Variants in TK2 observed in about 807,000 individuals in gnomAD.
The protein encoded by TK2 is thymidine kinase 2, mitochondrial.
Under a neutral mutation model 41.9 loss-of-function variants are expected in TK2, and 35 were observed. That is an observed-to-expected ratio of 0.84 (90% CI 0.64 to 1.11). TK2 has a LOEUF of 1.11. Ranked by LOEUF, TK2 falls within the 50% of genes least tolerant of loss-of-function variation. The pLI, the probability that TK2 is intolerant of heterozygous loss-of-function variation, is 0.00. For missense variants in TK2, 320 were observed against 351.1 expected (o/e 0.91, Z 0.71); for synonymous variants, 128 against 129.1 (o/e 0.99, Z 0.06).
At chr16:66,525,461 T>C (rs1964903779) in intron 6 of TK2, among the ~76,000 whole-genome samples, 1 of 152,264 alleles carries the variant, frequency 6.6e-6, no homozygotes, top group African/African-American at 2.4e-5. Context: ...TCTGGGTTGT[T>C]GGCAGGTGGC....
intron 2 of TK2, among the ~76,000 whole-genome samples, chr16:66,546,957 T>G (rs1597111958): frequency 6.6e-6 from 1 of 152,262 alleles, no homozygotes; most frequent in South Asian, 2.1e-4. Context: ...TTTGCCATGT[T>G]GCCCAGGCTG....
intron 2 of TK2, chr16:66,548,679 A>G (rs1965683201): frequency 2.6e-6 from 1 of 383,326 alleles, no homozygotes; most frequent in Admixed American, 4.1e-5. Context: ...CTTCCCCACA[A>G]CACAATGAGC....
intron 9 of TK2, among the ~76,000 whole-genome samples, chr16:66,512,897 G>C (rs1407100222): frequency 6.6e-6 from 1 of 152,102 alleles, no homozygotes; most frequent in Non-Finnish European, 1.5e-5. Flanking sequence ...CTATGGCCAC[G>C]CACAAAAGCT....
At chr16:66,550,270 C>T, upstream of TK2, 4 of 1,590,980 alleles carry the variant, frequency 2.5e-6, no homozygotes, top group Non-Finnish European at 3.4e-6. Flanking sequence ...AGGACGCTGG[C>T]AGAACGCACC....
rs112799560 is a variant in TK2, at chr16:66,544,226, C to T, written c.157-2273G>A. Among the ~76,000 whole-genome samples the T allele has an allele frequency of 5.1e-3, 770 of 152,222 alleles. 1 individual carries two copies. The highest frequency in any genetic ancestry group is 7.7e-3 in the Non-Finnish European group (525 of 68,006). On this transcript the variant is annotated intron_variant, in intron 2 of 9. Coordinates refer to ENST00000544898, the MANE Select transcript of TK2 (RefSeq NM_004614.5). ...AGCAGGCAACGCAGGAAGAATCTCA[C>T]AAAGTTCCCCTGAAATGGAAGGGGG...
chr16:66,511,188 C>G lies in TK2; in HGVS notation c.*780G>C, dbSNP rs1964439403. The stretch of plus-strand genomic sequence containing the variant: ...CTTAATCACCAAGGAGACTGAGCAC[C>G]CTTCAGGAGCCAGCATGTGAATCTC... On this transcript the variant is annotated 3_prime_UTR_variant, in exon 10 of 10. Coordinates refer to ENST00000544898, the MANE Select transcript of TK2 (RefSeq NM_004614.5). 1 of 152,844 alleles carries G rather than the reference C, an allele frequency of 6.5e-6. No homozygotes were observed. The highest frequency in any genetic ancestry group is 2.4e-5 in the African/African-American group (1 of 41,426). 9.5% of individuals were successfully genotyped at this position (152,844 alleles called of 1,614,324 possible).
intron 6 of TK2, 194 bp from the exon 7 acceptor site, chr16:66,518,071 G>A (rs965890121): frequency 1.6e-5 from 10 of 638,274 alleles, no homozygotes; most frequent in Admixed American, 8.6e-5. Context: ...GCCTGGGAGC[G>A]GCTTATGGCA....
At chr16:66,548,441 C>T (rs1240108664) in intron 2 of TK2, among the ~76,000 whole-genome samples, 1 of 152,210 alleles carries the variant, frequency 6.6e-6, no homozygotes, top group African/African-American at 2.4e-5. Context: ...CCAATATCCC[C>T]ATGGACACCA....
At position 66,511,927 on chromosome 16, in the gene TK2, A is replaced by T. The variant is rs765196357; in HGVS notation, c.*41T>A. 63 of 1,588,560 alleles carry T rather than the reference A, an allele frequency of 4.0e-5. No individual in the cohort carries two copies. The highest frequency in any genetic ancestry group is 5.0e-5 in the Non-Finnish European group (58 of 1,156,864). On this transcript the variant is annotated 3_prime_UTR_variant, in exon 10 of 10. Transcript: ENST00000544898. ...TGCTCCCAATAGCTAACTTGGCAGCAGCAGGCATTTTTCAGACATGAGCCA... is the reference window on the plus strand; with the variant it reads ...TGCTCCCAATAGCTAACTTGGCAGCTGCAGGCATTTTTCAGACATGAGCCA...
intron 2 of TK2, among the ~76,000 whole-genome samples, chr16:66,545,540 G>A (rs1424960740): frequency 6.6e-6 from 1 of 152,138 alleles, no homozygotes; most frequent in East Asian, 1.9e-4. Context: ...ATTATGCTAA[G>A]CAACCAGGAG....
chr16:66,509,537 T>C lies in TK2; in HGVS notation c.*2431A>G, dbSNP rs1277221039. 1 of 152,234 alleles carries C rather than the reference T, an allele frequency of 6.6e-6. No individual in the cohort carries two copies. The highest frequency in any genetic ancestry group is 2.1e-4 in the South Asian group (1 of 4,836). 9.4% of individuals were successfully genotyped at this position (152,234 alleles called of 1,614,324 possible). ...TGCTAATTGAAAGAAAATGTATATG[T>C]GCAACAAAAAAGTCAGCGAGAGGTA... is the stretch of plus-strand genomic sequence containing the variant. On this transcript the variant is annotated 3_prime_UTR_variant, in exon 10 of 10. Transcript: ENST00000544898.
At chr16:66,548,918 T>C (rs1965691318) in intron 2 of TK2, 60 bp downstream of exon 2, 2 of 1,520,202 alleles carry the variant, frequency 1.3e-6, no homozygotes, top group Non-Finnish European at 1.8e-6. Flanking sequence ...TCTGCTTTTT[T>C]CTCTCTCCTC....
At chr16:66,519,753 C>A (rs1267608754) in intron 6 of TK2, among the ~76,000 whole-genome samples, 1 of 152,176 alleles carries the variant, frequency 6.6e-6, no homozygotes, top group South Asian at 2.1e-4. Flanking sequence ...ATGTGGGTCC[C>A]GCTCAGAGCT....
chr16:66,538,890 G>A (rs1377662718), intron 3 of TK2, among the ~76,000 whole-genome samples: 5 of 152,128 alleles, frequency 3.3e-5, no homozygotes, highest in Non-Finnish European at 7.4e-5. Flanking sequence ...GCTGTATCCG[G>A]GCTGGGATCT....
rs540991788 is a variant in TK2 at position 66,514,573 on chromosome 16, G to A, written c.619-762C>T. On this transcript the variant is annotated intron_variant, in intron 8 of 9. Coordinates refer to ENST00000544898, the MANE Select transcript of TK2 (RefSeq NM_004614.5). This position sits in a 1 kb window ranked among gnomAD's most constrained non-coding sequence, Gnocchi z 4.2. ...AGGAAGTGAGGAGTGTCTCTGCCTG[G>A]CCGCCCATCGTCTAGGATGTGAGGA... 9.9e-5 allele frequency among the ~76,000 whole-genome samples: 15 copies of A among 152,278 alleles called. No individual in the cohort carries two copies. The highest frequency in any genetic ancestry group is 6.5e-4 in the Admixed American group (10 of 15,300).
At chr16:66,547,020 T>C (rs2077402083) in intron 2 of TK2, among the ~76,000 whole-genome samples, 1 of 152,232 alleles carries the variant, frequency 6.6e-6, no homozygotes, top group African/African-American at 2.4e-5. Context: ...CCCGAAGTGC[T>C]GGGATTATAG....
chr16:66,531,577 G>GGGGCT, intron 4 of TK2, 108 bp from the exon 5 acceptor site: 1 of 1,050,846 alleles, frequency 9.5e-7, no homozygotes, highest in Non-Finnish European at 1.4e-6. Flanking sequence ...AGGCAGGGTT[G>GGGGCT]GGGCTGGAGA....
intron 3 of TK2, 65 bp downstream of exon 3, chr16:66,541,814 C>T (rs886882311): frequency 7.7e-6 from 12 of 1,551,254 alleles, no homozygotes; most frequent in Non-Finnish European, 9.8e-6. Flanking sequence ...GGTTAGTCCA[C>T]ACCCTCTATA....
intron 3 of TK2, among the ~76,000 whole-genome samples, chr16:66,537,294 G>T (rs1965315568): frequency 6.6e-6 from 1 of 152,150 alleles, no homozygotes; most frequent in African/African-American, 2.4e-5. Flanking sequence ...CCTCTCTATT[G>T]CCCTGGTAGC....
Sources: allele counts gnomAD v4.1 joint callset (sites outside exome capture counted in the v4.1 genomes callset), GRCh38; gene constraint gnomAD v4.1.1; non-coding constraint Gnocchi (gnomAD v3.1); transcripts MANE v1.5; gene names NCBI Gene and HGNC (gene_info 2026-07-23, HGNC 2026-07-21).